The following TTN variants were observed in gnomAD, a reference collection of about 807,000 sequenced individuals.
The protein encoded by TTN is connectin.
TTN carries 1,525 observed loss-of-function variants against 3,223.0 expected under a neutral mutation model. The ratio of observed to expected loss-of-function variants is 0.47; its 90% CI spans 0.45 to 0.49. TTN has a LOEUF of 0.49. Ranked by LOEUF, TTN falls within the 20% of genes least tolerant of loss-of-function variation. The pLI, the probability that TTN is intolerant of heterozygous loss-of-function variation, is 0.00. For synonymous variants in TTN, 14,094 were observed against 15,161.0 expected, an observed-to-expected ratio of 0.93 and a Z score of 5.17; for missense variants, 40,786 against 43,424.0, an observed-to-expected ratio of 0.94 and a Z score of 5.40.
In TTN at chr2:178,561,203, G is replaced by A. The variant is rs765062342; in HGVS notation, c.84929C>T (p.Thr28310Ile). ...AGTAAGTTCAGTTACTTCAAAGTAT[G>A]TTTCTTGTATATTAGTATAATTGCA... Reference protein sequence around the residue: ...LKCNYTNIQETYFEVTELTED... With the variant: ...LKCNYTNIQEIYFEVTELTED... The change falls in exon 326 of 363, where the codon ACA becomes ATA. Residue 28310 changes from threonine to isoleucine, a missense_variant. By Grantham distance (89) the Thr-to-Ile change is moderately conservative (BLOSUM62 -1). Transcript: ENST00000589042. 2 of 1,613,490 alleles carry A rather than the reference G, an allele frequency of 1.2e-6. No individual in the cohort carries two copies. Among genetic ancestry groups the A allele is most frequent in the East Asian group, 2.2e-5 (1 of 44,800 alleles).
intron 215 of TTN, 27 bp downstream of exon 215, chr2:178,647,037 A>T (rs2062105179): frequency 1.2e-6 from 1 of 843,328 alleles, no homozygotes; most frequent in Admixed American, 4.7e-5. Context: ...AGATTAAAAA[A>T]ATGTATATAT....
chr2:178,621,053 A>T (rs761273758), intron 246 of TTN, 49 bp downstream of exon 246: 6 of 1,605,662 alleles, frequency 3.7e-6, no homozygotes, highest in Non-Finnish European at 5.1e-6. Flanking sequence ...AAATACAAAT[A>T]CAAAACAAAC....
Position 178,611,462 on chromosome 2 carries a change from C to T in TTN, c.50767G>A (p.Glu16923Lys). 1 of 1,612,958 alleles carries T rather than the reference C, an allele frequency of 6.2e-7. No homozygotes were observed. The highest frequency in any genetic ancestry group is 8.5e-7 in the Non-Finnish European group (1 of 1,179,322). Residue 16923 changes from glutamate to lysine, a missense_variant, in exon 269 of 363, where the codon GAA (glutamate) becomes AAA (lysine). Transcript: ENST00000589042. ...KVEEGVVPDKEYVLRVRAVNA... is the reference protein window; with the variant it reads ...KVEEGVVPDKKYVLRVRAVNA... Reference sequence around the variant, plus strand: ...ACTGCTCTCACTCTCAGGACATATTCTTTGTCAGGAACAACACCTTCTTCA... The same window carrying T: ...ACTGCTCTCACTCTCAGGACATATTTTTTGTCAGGAACAACACCTTCTTCA...
At chr2:178,650,020 T>C (rs2062682009) in intron 210 of TTN, 126 bp from the exon 211 acceptor site, 2 of 1,307,194 alleles carry the variant, frequency 1.5e-6, no homozygotes, top group Admixed American at 4.9e-5. Context: ...GTCCAAAGTT[T>C]TATGTGTAGA....
Position 178,704,569 on chromosome 2 carries a change from T to A in TTN, c.29903A>T (p.Gln9968Leu). Residue 9968 changes from glutamine to leucine, a missense_variant, in exon 105 of 363, where the codon CAG becomes CTG. By Grantham distance (113) the Gln-to-Leu change is moderately radical. Coordinates refer to ENST00000589042, the MANE Select transcript of TTN (RefSeq NM_001267550.2). ...ACCACAAACCAATCGATAATTGCCCTGGTCTTTAAGTTGACAGTTTTTGAC... is the reference window on the plus strand; with the variant it reads ...ACCACAAACCAATCGATAATTGCCCAGGTCTTTAAGTTGACAGTTTTTGAC... ...LRVKNCQLKD[Q>L]GNYRLVCGPH... 6.2e-7 allele frequency: 1 copy of A among 1,613,636 alleles called. No homozygotes were observed. The highest frequency in any genetic ancestry group is 1.7e-5 in the Admixed American group (1 of 59,962).
rs775146212 is a variant in TTN at position 178,576,090 on chromosome 2, C to T, written c.70042G>A (p.Ala23348Thr). ...ACAACAAGTGTTCTTCGAAGCTCGG[C>T]ATCTAGTTCAAAATCAGGAGCCATC... ...REMAPDFELD[A>T]ELRRTLVVRA... Residue 23348 changes from alanine to threonine, a missense_variant, in exon 326 of 363, where the codon GCC (alanine) becomes ACC (threonine). Coordinates refer to ENST00000589042, the MANE Select transcript of TTN (RefSeq NM_001267550.2). The surrounding 1 kb of genome is among the most constrained non-coding windows in gnomAD (Gnocchi z 4.3). 58 of 1,613,464 alleles carry T rather than the reference C, an allele frequency of 3.6e-5. No individual in the cohort carries two copies. In the East Asian group the frequency reaches 9.6e-4, roughly 27 times the overall value.
intron 21 of TTN, 28 bp downstream of exon 21, chr2:178,781,093 T>C (rs768523435): frequency 6.2e-7 from 1 of 1,613,662 alleles, no homozygotes; most frequent in Non-Finnish European, 8.5e-7. Flanking sequence ...GTTCTTATCA[T>C]GCACATAGAA....
rs1485641698 is a variant in TTN, at chr2:178,776,675, C to T, written c.5189G>A (p.Gly1730Asp). 1 of 1,613,986 alleles carries T rather than the reference C, an allele frequency of 6.2e-7. No homozygotes were observed. Among genetic ancestry groups the T allele is most frequent in the East Asian group, 2.2e-5 (1 of 44,856 alleles). ...AHFECRLTPI[G>D]DPTMVVEWLH... The stretch of plus-strand genomic sequence containing the variant: ...CCACTCCACCACCATCGTTGGGTCA[C>T]CAATGGGTGTTAGCCTGCATTCAAA... Residue 1730 changes from glycine (G) to aspartate (D), a missense_variant, in exon 28 of 363, where the codon GGT (glycine) becomes GAT (aspartate). Gly to Asp is a moderately conservative substitution (Grantham distance 94, BLOSUM62 -1). Transcript: ENST00000589042.
rs55725279 is a variant in TTN, at chr2:178,529,171, T to A, written c.106580A>T (p.Glu35527Val). The A allele has an allele frequency of 5.1e-4, 782 of 1,542,498 alleles. 4 individuals are homozygous for A. The highest frequency in any genetic ancestry group is 3.0e-3 in the Middle Eastern group (17 of 5,724). Residue 35527 changes from glutamate to valine, a missense_variant, in exon 360 of 363, where the codon GAA becomes GTA. Physicochemically the swap from Glu to Val is moderately radical, Grantham distance 121. Coordinates refer to ENST00000589042, the MANE Select transcript of TTN (RefSeq NM_001267550.2). The stretch of plus-strand genomic sequence containing the variant: ...AACAGCTTTCTTCTGAGGTGTAATT[T>A]CAGAAGTCTTTTGTGTAGAGACTTT... ...AQKVSTQKTS[E>V]ITPQKKAVVQ...
chr2:178,793,676 T>C, intron 8 of TTN, 135 bp from the exon 9 acceptor site: 2 of 1,206,900 alleles, frequency 1.7e-6, no homozygotes, highest in Non-Finnish European at 1.2e-6. Flanking sequence ...GGCGCACACC[T>C]GTAATCCCAG....
At chr2:178,702,120 TACGTGTTTCGA>T in intron 108 of TTN, 37 bp downstream of exon 108, 5 of 1,613,538 alleles carry the variant, frequency 3.1e-6, no homozygotes, top group Non-Finnish European at 4.2e-6. Flanking sequence ...ATAGGTAGGC[TACGTGTTTCGA>T]AGATGGCAGG....
chr2:178,678,932 A>G, intron 142 of TTN, 102 bp from the exon 143 acceptor site: 1 of 923,072 alleles, frequency 1.1e-6, no homozygotes, highest in Non-Finnish European at 1.6e-6. Context: ...TAGATATTCT[A>G]TCAATTTCAC....
Position 178,612,990 on chromosome 2 carries a change from A to T in TTN, c.49731T>A (p.His16577Gln), listed in dbSNP as rs2115558. 2 of 1,612,434 alleles carry T rather than the reference A, an allele frequency of 1.2e-6. No individual in the cohort carries two copies. The highest frequency in any genetic ancestry group is 3.3e-5 in the Admixed American group (2 of 59,894). Reference sequence around the variant, plus strand: ...AAGACTCAATCTTTGCACCTCCATCATGTTCTGGTTTTGTCCAATTCAACC... The same window carrying T: ...AAGACTCAATCTTTGCACCTCCATCTTGTTCTGGTTTTGTCCAATTCAACC... ...SVRLNWTKPE[H>Q]DGGAKIESYV... Residue 16577 changes from histidine (H) to glutamine (Q), a missense_variant, in exon 265 of 363, where the codon CAT (histidine) becomes CAA (glutamine). His to Gln is a conservative substitution (Grantham distance 24). Coordinates refer to ENST00000589042, the MANE Select transcript of TTN (RefSeq NM_001267550.2).
Position 178,734,588 on chromosome 2 carries a change from T to C in TTN, c.15236A>G (p.Lys5079Arg). The C allele has an allele frequency of 6.4e-7, 1 of 1,572,674 alleles. No individual in the cohort carries two copies. The highest frequency in any genetic ancestry group is 8.6e-7 in the Non-Finnish European group (1 of 1,159,712). The stretch of plus-strand genomic sequence containing the variant: ...CACTATGTCTGCAGGCTCAAGAGTT[T>C]TGATGAAAGAAGGAGGTTCTACAAA... The part of the protein sequence containing the change: ...IVIKEPPSFI[K>R]TLEPADIVRG... The change falls in exon 52 of 363, where the codon AAA (lysine) becomes AGA (arginine). Residue 5079 changes from lysine to arginine, a missense_variant. Physicochemically the swap from Lys to Arg is conservative, Grantham distance 26. Coordinates refer to ENST00000589042, the MANE Select transcript of TTN (RefSeq NM_001267550.2).
chr2:178,596,861 TC>T (rs1397537657), intron 294 of TTN, among the ~76,000 whole-genome samples: 1 of 152,030 alleles, frequency 6.6e-6, no homozygotes, highest in Non-Finnish European at 1.5e-5. Context: ...GACTAAAGCC[TC>T]CAGTGAGAGC....
rs773019446 is a variant in TTN, at chr2:178,617,424, T to C, written c.47661A>G (p.Gly15887=). The change falls in exon 254 of 363, where the codon GGA becomes GGG. Residue 15887 remains glycine, a synonymous_variant. Transcript: ENST00000589042. The part of the protein sequence containing the change: ...QLKWEPPLKD[G]GSPILGYIIE... ...TTATATAGCCTAATATTGGGCTTCC[T>C]CCATCTTTCAGAGGAGGTTCCCATT... 1 of 1,593,828 alleles carries C rather than the reference T, an allele frequency of 6.3e-7. No individual in the cohort carries two copies. Among genetic ancestry groups the C allele is most frequent in the Admixed American group, 1.8e-5 (1 of 54,978 alleles).
At position 178,563,823 on chromosome 2, in the gene TTN, C is replaced by T. The variant is rs1431238411; in HGVS notation, c.82309G>A (p.Gly27437Ser). 1 of 1,613,676 alleles carries T rather than the reference C, an allele frequency of 6.2e-7. No individual in the cohort carries two copies. Among genetic ancestry groups the T allele is most frequent in the Non-Finnish European group, 8.5e-7 (1 of 1,179,730 alleles). ...LNYKVTKLLP[G>S]NEYIFRVMAV... ...ATGACACGGAAAATGTACTCATTAC[C>T]AGGAAGAAGTTTAGTAACTTTGTAG... Residue 27437 changes from glycine to serine, a missense_variant, in exon 326 of 363, where the codon GGT becomes AGT. Physicochemically the swap from Gly to Ser is moderately conservative, Grantham distance 56. Coordinates refer to ENST00000589042, the MANE Select transcript of TTN (RefSeq NM_001267550.2). This position sits in a 1 kb window ranked among gnomAD's most constrained non-coding sequence, Gnocchi z 4.5.
At chr2:178,674,476 A>G (rs2067620872) in intron 150 of TTN, 67 bp from the exon 151 acceptor site, 1 of 994,494 alleles carries the variant, frequency 1.0e-6, no homozygotes, top group Non-Finnish European at 1.4e-6. Context: ...TACAGTGATA[A>G]TATCTGAAAA....
chr2:178,705,134 G>A (rs372074698), intron 103 of TTN, 40 bp downstream of exon 103: 21 of 1,598,934 alleles, frequency 1.3e-5, no homozygotes, highest in Non-Finnish European at 1.7e-5. Flanking sequence ...TGTTTTAAAT[G>A]TGACTTTTTT....
Sources: gnomAD v4.1 joint callset for allele counts (sites outside exome capture counted in the v4.1 genomes callset) on GRCh38, gnomAD v4.1.1 for gene constraint, Gnocchi (gnomAD v3.1) non-coding constraint, MANE v1.5 for transcripts, NCBI Gene and HGNC (gene_info 2026-07-23, HGNC 2026-07-21) for gene names.